Variants in MSH3 observed in about 807,000 individuals in gnomAD.
MSH3 encodes the protein mutS homolog 3.
MSH3 carries 106 observed loss-of-function variants against 123.3 expected under a neutral mutation model. The ratio of observed to expected loss-of-function variants is 0.86; its 90% confidence interval spans 0.73 to 1.01. The LOEUF is 1.01. Among genes scored for constraint, MSH3 ranks in the 50% least tolerant of loss-of-function variants. MSH3 has a pLI of 0.00. For synonymous variants in MSH3, 515 were observed against 481.4 expected, an observed-to-expected ratio of 1.07 and a Z score of -0.91; for missense variants, 1,459 against 1,347.6, an observed-to-expected ratio of 1.08 and a Z score of -1.29.
At chr5:80,853,105 A>G (rs1012567614) in intron 20 of MSH3, among the ~76,000 whole-genome samples, 10 of 152,174 alleles carry the variant, frequency 6.6e-5, no homozygotes, top group Admixed American at 3.3e-4. Context: ...TATTGCTGCA[A>G]GGTGCTCTGG....
At chr5:80,769,914 C>T (rs968249367) in intron 15 of MSH3, among the ~76,000 whole-genome samples, 26 of 152,060 alleles carry the variant, frequency 1.7e-4, no homozygotes, top group Admixed American at 1.6e-3. Context: ...TGAGAATGTT[C>T]ATTAAAGTGT....
chr5:80,764,145 A>G (rs1332457442), intron 13 of MSH3, among the ~76,000 whole-genome samples: 1 of 152,252 alleles, frequency 6.6e-6, no homozygotes, highest in Non-Finnish European at 1.5e-5. Context: ...ATTACTCTAA[A>G]TAAGCTTCTA....
At chr5:80,726,979 G>A (rs1228888406) in intron 9 of MSH3, among the ~76,000 whole-genome samples, 1 of 152,200 alleles carries the variant, frequency 6.6e-6, no homozygotes, top group Non-Finnish European at 1.5e-5. Context: ...GGCAGTGCCC[G>A]GGAGAGTGTA....
intron 9 of MSH3, among the ~76,000 whole-genome samples, chr5:80,727,025 G>A (rs572631580): frequency 6.6e-6 from 1 of 152,298 alleles, no homozygotes; most frequent in East Asian, 1.9e-4. Flanking sequence ...GAGCGTAAGC[G>A]CCACCCTGGC....
Position 80,813,713 on chromosome 5 carries a change from A to G in MSH3, c.2785A>G (p.Ile929Val), listed in dbSNP as rs759266003. ...GSYVPAEEAT[I>V]GIVDGIFTRM... is the part of the protein sequence containing the mutation. ...CTATGTTCCTGCAGAAGAAGCGACA[A>G]TTGGGATTGTGGATGGCATTTTCAC... The change falls in exon 20 of 24, where the codon ATT (isoleucine) becomes GTT (valine). Residue 929 changes from isoleucine to valine, a missense_variant. By Grantham distance (29) the Ile-to-Val change is conservative. Coordinates refer to ENST00000265081, the MANE Select transcript of MSH3 (RefSeq NM_002439.5). 1.1e-5 allele frequency: 17 copies of G among 1,614,046 alleles called. No individual in the cohort carries two copies. The highest frequency in any genetic ancestry group is 1.3e-5 in the African/African-American group (1 of 74,928).
At chr5:80,739,241 C>T (rs541402660) in intron 10 of MSH3, among the ~76,000 whole-genome samples, 1 of 152,314 alleles carries the variant, frequency 6.6e-6, no homozygotes, top group East Asian at 1.9e-4. Context: ...TGGTTAGATA[C>T]CAACTCAGAG....
intron 20 of MSH3, among the ~76,000 whole-genome samples, chr5:80,843,363 C>A (rs1261379905): frequency 1.3e-5 from 2 of 152,108 alleles, no homozygotes; most frequent in African/African-American, 4.8e-5. Flanking sequence ...GTCTAAAATT[C>A]TCTTTTTTTG....
intron 8 of MSH3, among the ~76,000 whole-genome samples, chr5:80,710,699 G>T (rs569378496): frequency 1.0e-4 from 15 of 147,666 alleles, no homozygotes; most frequent in Middle Eastern, 3.6e-3. Flanking sequence ...GTGTAGATTC[G>T]TGGTAAAAAG....
intron 20 of MSH3, among the ~76,000 whole-genome samples, chr5:80,833,926 A>G (rs58508689): frequency 0.081 from 12,289 of 152,274 alleles, 893 homozygotes; most frequent in East Asian, 0.33. Flanking sequence ...ATATAAAGCC[A>G]GGTATAAGAT....
intron 8 of MSH3, among the ~76,000 whole-genome samples, chr5:80,708,601 T>C (rs1185433555): frequency 1.3e-5 from 2 of 152,074 alleles, no homozygotes; most frequent in Non-Finnish European, 2.9e-5. Flanking sequence ...ACAGATTTTC[T>C]TGTGGAGATG....
At chr5:80,706,609 A>G (rs1421245860) in intron 8 of MSH3, among the ~76,000 whole-genome samples, 2 of 152,218 alleles carry the variant, frequency 1.3e-5, no homozygotes, top group Non-Finnish European at 2.9e-5. Context: ...TAAATATATA[A>G]TGGATGACAT....
chr5:80,675,248 A>T, intron 7 of MSH3, 120 bp downstream of exon 7: 1 of 1,152,214 alleles, frequency 8.7e-7, no homozygotes, highest in Non-Finnish European at 1.3e-6. Flanking sequence ...TAATTATACA[A>T]GAAAAACATT....
At chr5:80,657,367 GGA>G (rs1406562498) in intron 2 of MSH3, among the ~76,000 whole-genome samples, 1 of 152,198 alleles carries the variant, frequency 6.6e-6, no homozygotes, top group Non-Finnish European at 1.5e-5. Context: ...CTTGAGCCCA[GGA>G]GGCGGAGGTT....
At position 80,765,673 on chromosome 5, in the gene MSH3, C is replaced by T. The variant is rs78376756; in HGVS notation, c.1897-2260C>T. Among the ~76,000 whole-genome samples, 1,431 of 152,312 alleles carry T rather than the reference C, an allele frequency of 9.4e-3. 23 individuals are homozygous for T. Among genetic ancestry groups the T allele is most frequent in the African/African-American group, 0.033 (1,376 of 41,568 alleles). On this transcript the variant is annotated intron_variant, in intron 13 of 23. Coordinates refer to ENST00000265081, the MANE Select transcript of MSH3 (RefSeq NM_002439.5). ...TGAGCTGTCTTCTAGAGCCTTCTAA[C>T]TTGATCCAGTCTGGACTGGTTGTCC...
At chr5:80,864,152 C>T (rs1021623715) in intron 21 of MSH3, among the ~76,000 whole-genome samples, 1 of 152,060 alleles carries the variant, frequency 6.6e-6, no homozygotes, top group African/African-American at 2.4e-5. Flanking sequence ...TCAAATAAAA[C>T]CCATCTGATG....
At chr5:80,874,705 A>T (rs1746276284) in intron 23 of MSH3, among the ~76,000 whole-genome samples, 1 of 152,234 alleles carries the variant, frequency 6.6e-6, no homozygotes, top group Non-Finnish European at 1.5e-5. Context: ...TATATGCAAG[A>T]TAGCAATAAA....
chr5:80,858,489 G>C (rs574015872), intron 21 of MSH3, among the ~76,000 whole-genome samples: 8 of 152,182 alleles, frequency 5.3e-5, no homozygotes, highest in South Asian at 4.1e-4. Flanking sequence ...AGAATGTGTT[G>C]TTTAGTCTCC....
At chr5:80,771,798 C>G (rs965164163) in intron 15 of MSH3, among the ~76,000 whole-genome samples, 1 of 152,142 alleles carries the variant, frequency 6.6e-6, no homozygotes, top group African/African-American at 2.4e-5. Context: ...TGACAACATT[C>G]ATTTTTCACC....
chr5:80,790,657 C>T (rs1193383370), intron 18 of MSH3, among the ~76,000 whole-genome samples: 3 of 152,070 alleles, frequency 2.0e-5, no homozygotes, highest in African/African-American at 4.8e-5. Context: ...TTGTATTGCC[C>T]GCATTACATC....
Sources: allele counts gnomAD v4.1 joint callset (sites outside exome capture counted in the v4.1 genomes callset), GRCh38; gene constraint gnomAD v4.1.1; transcripts MANE v1.5; gene names NCBI Gene and HGNC (gene_info 2026-07-23, HGNC 2026-07-21).